Variants in FRAS1 observed in about 807,000 individuals in gnomAD.
FRAS1 encodes the protein Fraser extracellular matrix complex subunit 1.
In FRAS1, 290 loss-of-function variants were observed where a neutral mutation model predicts 435.2. That is an observed-to-expected ratio of 0.67 (90% CI 0.61 to 0.73). The LOEUF (loss-of-function observed/expected upper bound fraction) is 0.73, where lower values mean the gene tolerates loss of function less well. Among genes scored for constraint, FRAS1 ranks in the 30% least tolerant of loss-of-function variants. The pLI is 0.00. For synonymous variants in FRAS1, 1,800 were observed against 1,851.0 expected (o/e 0.97, Z 0.71); for missense variants, 4,860 against 5,001.5 (o/e 0.97, Z 0.85).
At chr4:78,094,197 G>A (rs905604095) in intron 2 of FRAS1, among the ~76,000 whole-genome samples, 1 of 132,272 alleles carries the variant, frequency 7.6e-6, no homozygotes, top group Non-Finnish European at 1.5e-5. Context: ...TATTTTCAAA[G>A]AACTCTAGGC....
chr4:78,450,325 C>A lies in FRAS1; in HGVS notation c.6449C>A (p.Ala2150Glu). The change falls in exon 45 of 74, where the codon GCA (alanine) becomes GAA (glutamate). Residue 2150 changes from alanine to glutamate, a missense_variant. Coordinates refer to ENST00000512123, the MANE Select transcript of FRAS1 (RefSeq NM_025074.7). The stretch of plus-strand genomic sequence containing the variant: ...GGCCCCATCCGAAGTTTCACCCAGG[C>A]AGACATTAGCCAAGGTCAGCCAGTT... The part of the protein sequence containing the change: ...IKGPIRSFTQ[A>E]DISQGHVEYS... The A allele has an allele frequency of 6.2e-7, 1 of 1,613,824 alleles. No individual in the cohort carries two copies. The highest frequency in any genetic ancestry group is 1.1e-5 in the South Asian group (1 of 91,078).
intron 14 of FRAS1, among the ~76,000 whole-genome samples, chr4:78,306,383 G>A (rs1728718499): frequency 2.1e-5 from 3 of 144,522 alleles, no homozygotes; most frequent in Admixed American, 1.4e-4. Context: ...GGCGTTCTCT[G>A]TGTTTCCTGA....
At chr4:78,404,213 A>G (rs1181766867) in intron 30 of FRAS1, among the ~76,000 whole-genome samples, 2 of 152,308 alleles carry the variant, frequency 1.3e-5, no homozygotes, top group South Asian at 2.1e-4. Flanking sequence ...AAAATAATTC[A>G]TGGAGATTCA....
At chr4:78,365,737 T>TAAAAAA (rs531246410) in intron 22 of FRAS1, among the ~76,000 whole-genome samples, 1 of 132,148 alleles carries the variant, frequency 7.6e-6, no homozygotes, top group Non-Finnish European at 1.6e-5. Flanking sequence ...TCTAGTACAT[T>TAAAAAA]AAAAAAAAAA....
intron 2 of FRAS1, among the ~76,000 whole-genome samples, chr4:78,217,251 G>T (rs1723808104): frequency 6.6e-6 from 1 of 152,146 alleles, no homozygotes; most frequent in African/African-American, 2.4e-5. Context: ...CTTGTTTACT[G>T]TGTACTCATT....
intron 29 of FRAS1, among the ~76,000 whole-genome samples, chr4:78,392,360 T>C (rs1732481359): frequency 6.6e-6 from 1 of 152,134 alleles, no homozygotes; most frequent in African/African-American, 2.4e-5. Flanking sequence ...TTCTATTTAG[T>C]GAGGTTTAAA....
At chr4:78,185,155 G>A (rs948666366) in intron 2 of FRAS1, among the ~76,000 whole-genome samples, 8 of 152,194 alleles carry the variant, frequency 5.3e-5, no homozygotes, top group African/African-American at 1.2e-4. Context: ...TTAATGCTGC[G>A]TGTCAGTTGA....
At chr4:78,539,240 AAT>A in intron 72 of FRAS1, 52 bp from the exon 73 acceptor site, 1 of 1,573,434 alleles carries the variant, frequency 6.4e-7, no homozygotes, top group African/African-American at 1.4e-5. Context: ...GCCACCTACC[AAT>A]ATAGTGGAAC....
intron 2 of FRAS1, among the ~76,000 whole-genome samples, chr4:78,134,221 C>T (rs541000273): frequency 3.9e-5 from 6 of 152,210 alleles, no homozygotes; most frequent in Admixed American, 3.9e-4. Context: ...AACTCTGCTT[C>T]CTCCCACTGT....
At chr4:78,259,462 G>C (rs1401703344) in intron 6 of FRAS1, among the ~76,000 whole-genome samples, 3 of 150,578 alleles carry the variant, frequency 2.0e-5, no homozygotes, top group Non-Finnish European at 4.5e-5. Context: ...GGCCAGTGAT[G>C]GTGAGCATTT....
At chr4:78,346,417 C>T (rs958281720) in intron 20 of FRAS1, among the ~76,000 whole-genome samples, 39 of 152,170 alleles carry the variant, frequency 2.6e-4, no homozygotes, top group African/African-American at 8.7e-4. Flanking sequence ...GATGTTAACC[C>T]ACTTACCCAA....
At chr4:78,376,255 T>C (rs1731756075) in intron 26 of FRAS1, among the ~76,000 whole-genome samples, 1 of 152,224 alleles carries the variant, frequency 6.6e-6, no homozygotes, top group African/African-American at 2.4e-5. Flanking sequence ...AGTTTCATCA[T>C]TGTTTGAACT....
At chr4:78,368,769 G>A (rs114141186) in intron 22 of FRAS1, among the ~76,000 whole-genome samples, 217 of 152,340 alleles carry the variant, frequency 1.4e-3, no homozygotes, top group African/African-American at 4.7e-3. Flanking sequence ...AGAAGAGACT[G>A]AAGAATGAGT....
chr4:78,070,514 C>T (rs1436869745), intron 2 of FRAS1: 2 of 152,220 alleles, frequency 1.3e-5, no homozygotes, highest in East Asian at 1.9e-4. Flanking sequence ...ACTGAATAAT[C>T]TATTTTGGGG....
chr4:78,177,741 C>T (rs918622072), intron 2 of FRAS1, among the ~76,000 whole-genome samples: 6 of 152,176 alleles, frequency 3.9e-5, no homozygotes, highest in African/African-American at 1.2e-4. Flanking sequence ...CTATCTCATA[C>T]ACCTTCTTCC....
intron 2 of FRAS1, among the ~76,000 whole-genome samples, chr4:78,094,342 C>T (rs1741688399): frequency 6.6e-6 from 1 of 151,872 alleles, no homozygotes; most frequent in Non-Finnish European, 1.5e-5. Flanking sequence ...ATAGCTTTCC[C>T]CTGAGGCAAA....
intron 2 of FRAS1, among the ~76,000 whole-genome samples, chr4:78,094,532 A>G (rs996076512): frequency 2.0e-5 from 3 of 152,048 alleles, no homozygotes; most frequent in South Asian, 2.1e-4. Context: ...ACTTTTATCT[A>G]TAATAGAATC....
intron 28 of FRAS1, among the ~76,000 whole-genome samples, chr4:78,386,797 A>G (rs1340432573): frequency 6.6e-6 from 1 of 152,138 alleles, no homozygotes; most frequent in Non-Finnish European, 1.5e-5. Context: ...TTACTATAAT[A>G]TATTAGCCTT....
chr4:78,319,658 A>G (rs1729421668), intron 18 of FRAS1: 1 of 261,680 alleles, frequency 3.8e-6, no homozygotes, highest in African/African-American at 2.2e-5. Context: ...CCACTACCTA[A>G]ACCCAATTGC....
Sources: gnomAD v4.1 joint callset for allele counts (sites outside exome capture counted in the v4.1 genomes callset) on GRCh38, gnomAD v4.1.1 for gene constraint, MANE v1.5 for transcripts, NCBI Gene and HGNC (gene_info 2026-07-23, HGNC 2026-07-21) for gene names.